RERE: variants seen among roughly 807,000 people sequenced by gnomAD.
RERE encodes the protein arginine-glutamic acid dipeptide repeats, also known as arginine-glutamic acid dipeptide repeats protein.
RERE carries 40 observed loss-of-function variants against 146.1 expected under a neutral mutation model. The ratio of observed to expected loss-of-function variants is 0.27; its 90% CI spans 0.21 to 0.36. The LOEUF (loss-of-function observed/expected upper bound fraction) is 0.36. Ranked by LOEUF, RERE falls within the 10% of genes least tolerant of loss-of-function variation. The probability of loss-of-function intolerance (pLI) is 1.00; values close to 1 mark genes in which losing one functional copy is unlikely to be tolerated. For missense variants in RERE, 1,933 were observed against 2,138.7 expected, an observed-to-expected ratio of 0.90 and a Z score of 1.90; for synonymous variants, 1,003 against 866.0, an observed-to-expected ratio of 1.16 and a Z score of -2.78.
At chr1:8,476,592 AT>A (rs1456237498) in intron 10 of RERE, among the ~76,000 whole-genome samples, 2 of 152,204 alleles carry the variant, frequency 1.3e-5, no homozygotes, top group Admixed American at 1.3e-4. Context: ...TGGGGATGAC[AT>A]TTGCTCAGTC....
At chr1:8,687,379 C>T (rs1470858926) in intron 1 of RERE, among the ~76,000 whole-genome samples, 2 of 152,108 alleles carry the variant, frequency 1.3e-5, no homozygotes, top group African/African-American at 4.8e-5. Flanking sequence ...AGGAAGCCCA[C>T]CATGAGGCCA....
chr1:8,508,258 T>C (rs889448713), intron 8 of RERE, among the ~76,000 whole-genome samples: 5 of 152,170 alleles, frequency 3.3e-5, no homozygotes, highest in Non-Finnish European at 5.9e-5. Context: ...GAGGTACTTT[T>C]ATGAGGCAGA....
At chr1:8,646,540 A>G (rs967759485) in intron 2 of RERE, among the ~76,000 whole-genome samples, 1 of 151,250 alleles carries the variant, frequency 6.6e-6, no homozygotes, top group African/African-American at 2.5e-5. Flanking sequence ...CCGCCACTCA[A>G]AAAAAAACAA....
chr1:8,491,846 G>C (rs1644983496), intron 10 of RERE, among the ~76,000 whole-genome samples: 1 of 152,080 alleles, frequency 6.6e-6, no homozygotes, highest in Non-Finnish European at 1.5e-5. Flanking sequence ...ACTGATAAAT[G>C]CCTAACCTTG....
At chr1:8,774,600 C>T (rs890939757) in intron 1 of RERE, among the ~76,000 whole-genome samples, 1 of 151,916 alleles carries the variant, frequency 6.6e-6, no homozygotes, top group Non-Finnish European at 1.5e-5. Flanking sequence ...CTGATCGACC[C>T]GCCTCGGCCT....
At chr1:8,774,870 T>C (rs1641029838) in intron 1 of RERE, among the ~76,000 whole-genome samples, 1 of 151,658 alleles carries the variant, frequency 6.6e-6, no homozygotes, top group Non-Finnish European at 1.5e-5. Context: ...CTTAAAATTA[T>C]TTCATTATTC....
At chr1:8,795,329 C>CTTTT (rs1308816867) in intron 1 of RERE, among the ~76,000 whole-genome samples, 1 of 148,034 alleles carries the variant, frequency 6.8e-6, no homozygotes, top group Non-Finnish European at 1.5e-5. Flanking sequence ...CGGCCCCCCA[C>CTTTT]TTTTTTTTTT....
chr1:8,356,883 G>C lies in RERE; in HGVS notation c.4340-637C>G, dbSNP rs1043307530. Among the ~76,000 whole-genome samples the C allele has an allele frequency of 6.6e-6, 1 of 152,266 alleles. No homozygotes were observed. The highest frequency in any genetic ancestry group is 1.5e-5 in the Non-Finnish European group (1 of 68,010). ...AGGGATTTCAGGGTTGCCACCTCCA[G>C]CCATGCTGCCCTGGGGTCCCTGGAA... On this transcript the variant is annotated intron_variant, in intron 20 of 22. Coordinates refer to ENST00000400908, the MANE Select transcript of RERE (RefSeq NM_001042681.2). This position sits in a 1 kb window ranked among gnomAD's most constrained non-coding sequence, Gnocchi z 5.2.
chr1:8,655,400 T>G (rs1352326887), intron 2 of RERE, among the ~76,000 whole-genome samples: 2 of 151,714 alleles, frequency 1.3e-5, no homozygotes, highest in Non-Finnish European at 2.9e-5. Flanking sequence ...AGAGACAGGG[T>G]TTCATCATGT....
chr1:8,491,597 A>C (rs761820933), intron 10 of RERE, among the ~76,000 whole-genome samples: 14 of 152,176 alleles, frequency 9.2e-5, no homozygotes, highest in Non-Finnish European at 1.8e-4. Flanking sequence ...CAGCCTGGGC[A>C]ACAGAGCAAG....
Position 8,455,452 on chromosome 1 carries a change from C to T in RERE, c.1203+10473G>A, listed in dbSNP as rs117665138. On this transcript the variant is annotated intron_variant, in intron 11 of 22. Transcript: ENST00000400908. ...CTCCCATAATAGAACATCTCAACCA[C>T]ACGTATCATCAGTACACATCAGGTG... Among the ~76,000 whole-genome samples, 86 of 152,236 alleles carry T rather than the reference C, an allele frequency of 5.6e-4. No homozygotes were observed. In the East Asian group the frequency reaches 0.01, roughly 18 times the overall value.
At chr1:8,790,694 G>A (rs903432384) in intron 1 of RERE, among the ~76,000 whole-genome samples, 4 of 152,164 alleles carry the variant, frequency 2.6e-5, no homozygotes, top group Admixed American at 1.3e-4. Context: ...AGCAATTCTC[G>A]TACCTCGGCC....
chr1:8,489,942 C>T (rs1026103295), intron 10 of RERE, among the ~76,000 whole-genome samples: 5 of 151,262 alleles, frequency 3.3e-5, no homozygotes, highest in African/African-American at 4.9e-5. Context: ...CCCAGCTACT[C>T]GGGAGGCTGA....
intron 1 of RERE, among the ~76,000 whole-genome samples, chr1:8,687,544 G>A (rs1570609323): frequency 6.6e-6 from 1 of 152,304 alleles, no homozygotes; most frequent in East Asian, 1.9e-4. Flanking sequence ...CATAAAGGCT[G>A]ACTCTGACTT....
rs985713851 is a variant in RERE at position 8,352,727 on chromosome 1, A to C, written c.*2360T>G. The C allele has an allele frequency of 6.6e-6, 1 of 152,384 alleles. No individual in the cohort carries two copies. Among genetic ancestry groups the C allele is most frequent in the African/African-American group, 2.4e-5 (1 of 41,470 alleles). 9.4% of individuals were successfully genotyped at this position (152,384 alleles called of 1,614,324 possible). A position where few individuals can be genotyped will look rare whatever the true frequency, so the allele number is the denominator to read the frequency against. On this transcript the variant is annotated 3_prime_UTR_variant, in exon 23 of 23. Coordinates refer to ENST00000400908, the MANE Select transcript of RERE (RefSeq NM_001042681.2). ...AGGAAACCGAGTGGTTGGGCTTCAA[A>C]GACACCATGAAGGTCAGGGCCTCCT...
intron 1 of RERE, among the ~76,000 whole-genome samples, chr1:8,670,374 T>C (rs955121146): frequency 6.6e-6 from 1 of 152,198 alleles, no homozygotes; most frequent in Non-Finnish European, 1.5e-5. Context: ...AGCAAATGTT[T>C]ACTGAGTTCA....
At chr1:8,460,762 G>A (rs746443534) in intron 11 of RERE, among the ~76,000 whole-genome samples, 5 of 152,166 alleles carry the variant, frequency 3.3e-5, no homozygotes, top group Non-Finnish European at 5.9e-5. Context: ...GGATTGTTGC[G>A]GAAAGCGAAT....
rs756183537 is a variant in RERE, at chr1:8,358,427, C to T, written c.4108G>A (p.Gly1370Ser). 2.5e-6 allele frequency: 4 copies of T among 1,594,658 alleles called. No individual in the cohort carries two copies. The Admixed American group carries it at 6.8e-5, about 27-fold the overall frequency. Residue 1370 changes from glycine to serine, a missense_variant, in exon 20 of 23, where the codon GGC becomes AGC. Transcript: ENST00000400908. ...GPHPFASFHPGLNPLERERLA... is the reference protein window; with the variant it reads ...GPHPFASFHPSLNPLERERLA... Reference sequence around the variant, plus strand: ...CTCTCCCTCTCCAAGGGGTTCAGGCCCGGGTGGAAAGAAGCAAAAGGGTGG... The same window carrying T: ...CTCTCCCTCTCCAAGGGGTTCAGGCTCGGGTGGAAAGAAGCAAAAGGGTGG...
chr1:8,777,410 A>T (rs981382667), intron 1 of RERE, among the ~76,000 whole-genome samples: 1 of 152,230 alleles, frequency 6.6e-6, no homozygotes, highest in African/African-American at 2.4e-5. Flanking sequence ...TAATTTTTAT[A>T]ACTTTTTGAA....
Sources: gnomAD v4.1 joint callset for allele counts (sites outside exome capture counted in the v4.1 genomes callset) on GRCh38, gnomAD v4.1.1 for gene constraint, Gnocchi (gnomAD v3.1) non-coding constraint, MANE v1.5 for transcripts, NCBI Gene and HGNC (gene_info 2026-07-23, HGNC 2026-07-21) for gene names.